The following KALRN variants were observed in gnomAD, a reference collection of about 807,000 sequenced individuals.
The protein encoded by KALRN is kalirin RhoGEF kinase, also known as kalirin.
KALRN carries 70 observed loss-of-function variants against 353.7 expected under a neutral mutation model. That is an observed-to-expected ratio of 0.20 (90% CI 0.16 to 0.24). The LOEUF is 0.24. Among genes scored for constraint, KALRN ranks in the 10% least tolerant of loss-of-function variants. KALRN has a pLI of 1.00. For synonymous variants in KALRN, 1,391 were observed against 1,434.8 expected (o/e 0.97, Z 0.69); for missense variants, 2,791 against 3,756.7 (o/e 0.74, Z 6.72).
intron 34 of KALRN, among the ~76,000 whole-genome samples, chr3:124,627,492 C>G (rs1018222527): frequency 2.0e-5 from 3 of 152,174 alleles, no homozygotes; most frequent in Non-Finnish European, 4.4e-5. Context: ...CCATGATGTA[C>G]CATGGAACAG....
In KALRN at chr3:124,298,658, G is replaced by A. The variant is rs571236253; in HGVS notation, c.970-133G>A. 2.8e-5 allele frequency: 30 copies of A among 1,053,534 alleles called. 1 individual carries two copies. In the South Asian group the frequency reaches 3.0e-4, roughly 11 times the overall value. The allele number at this position is 1,053,534 out of a possible 1,614,324, so 65.3% of individuals were successfully genotyped here. On this transcript the variant is annotated intron_variant, in intron 5 of 59. Transcript: ENST00000682506. ...CTGTGGCCCACCCCATTAAGACCCC[G>A]AGACTCAGAACAATAACTGGTTCTC...
intron 9 of KALRN, among the ~76,000 whole-genome samples, chr3:124,339,609 G>A (rs2081479860): frequency 1.3e-5 from 2 of 152,178 alleles, no homozygotes; most frequent in Non-Finnish European, 2.9e-5. Context: ...TGTGCTGTGT[G>A]AGGAGACAGA....
intron 11 of KALRN, among the ~76,000 whole-genome samples, chr3:124,387,153 A>G (rs61501967): frequency 2.0e-4 from 30 of 152,294 alleles, no homozygotes; most frequent in African/African-American, 7.2e-4. Flanking sequence ...CAGTGTTGCC[A>G]GGATTGGGTG....
chr3:124,571,685 A>AT (rs914270856), intron 34 of KALRN, among the ~76,000 whole-genome samples: 17 of 151,290 alleles, frequency 1.1e-4, no homozygotes, highest in Middle Eastern at 3.4e-3. Context: ...TGTTTATTTT[A>AT]TTTTTTTTCT....
At chr3:124,096,130 G>T (rs934524812) in intron 1 of KALRN, 4 of 151,964 alleles carry the variant, frequency 2.6e-5, no homozygotes, top group African/African-American at 9.7e-5. Flanking sequence ...TATAGACTGG[G>T]AGAAGGGAGA....
intron 20 of KALRN, among the ~76,000 whole-genome samples, chr3:124,446,528 C>T (rs943134426): frequency 3.3e-5 from 5 of 152,208 alleles, no homozygotes; most frequent in Non-Finnish European, 7.3e-5. Context: ...TGATATTAGG[C>T]CTGGCCTAGA....
chr3:124,216,554 T>C (rs931748513), intron 1 of KALRN, among the ~76,000 whole-genome samples: 42 of 152,372 alleles, frequency 2.8e-4, no homozygotes, highest in African/African-American at 9.6e-4. Flanking sequence ...GCAGGGTTTA[T>C]AGGCCTGCTT....
In KALRN at chr3:124,152,966, T is replaced by C. The variant is rs1380322359; in HGVS notation, c.74-75024T>C. 7.5e-5 allele frequency: 16 copies of C among 212,204 alleles called. No homozygotes were observed. In the Admixed American group the frequency reaches 8.3e-4, roughly 11 times the overall value. The allele number at this position is 212,204 out of a possible 1,614,324, so 13.1% of individuals were successfully genotyped here. ...TCCTCCTTGCCTTTTGAAGCACCTT[T>C]GTGCAAACTTCTTTCTCAGGTGCTT... On this transcript the variant is annotated intron_variant, in intron 1 of 59. Coordinates refer to ENST00000682506, the MANE Select transcript of KALRN (RefSeq NM_001388419.1).
chr3:124,570,450 G>A (rs2073385723), intron 34 of KALRN, among the ~76,000 whole-genome samples: 1 of 152,276 alleles, frequency 6.6e-6, no homozygotes, highest in Admixed American at 6.5e-5. Flanking sequence ...ATACATGGGA[G>A]TATGATCAAT....
intron 34 of KALRN, among the ~76,000 whole-genome samples, chr3:124,606,471 C>T (rs536308106): frequency 6.6e-6 from 1 of 152,324 alleles, no homozygotes; most frequent in Non-Finnish European, 1.5e-5. Context: ...TTAATCCTTT[C>T]TTATAGTCCT....
At chr3:124,672,244 G>A (rs151140691) in intron 48 of KALRN, among the ~76,000 whole-genome samples, 17 of 152,318 alleles carry the variant, frequency 1.1e-4, no homozygotes, top group East Asian at 3.9e-4. Flanking sequence ...CACTGCACCC[G>A]GCCAGGAAGT....
chr3:124,430,687 T>C lies in KALRN; in HGVS notation c.2741T>C (p.Met914Thr). ...VLGWIRNGES[M>T]LNASLVNASS... is the part of the protein sequence containing the mutation. ...GGATGGATCCGCAATGGAGAGTCAATGCTCAACGCCAGCCTGGTCAATGCC... is the reference window on the plus strand; with the variant it reads ...GGATGGATCCGCAATGGAGAGTCAACGCTCAACGCCAGCCTGGTCAATGCC... Residue 914 changes from methionine (M) to threonine (T), a missense_variant, in exon 16 of 60, where the codon ATG (methionine) becomes ACG (threonine). This residue lies in a region of KALRN where 452 missense variants were observed against 575.8 expected (regional missense o/e 0.78). Transcript: ENST00000682506. 1.2e-6 allele frequency: 2 copies of C among 1,614,180 alleles called. No individual in the cohort carries two copies. The highest frequency in any genetic ancestry group is 1.7e-6 in the Non-Finnish European group (2 of 1,180,000).
intron 3 of KALRN, among the ~76,000 whole-genome samples, chr3:124,239,560 T>C (rs1379115856): frequency 1.3e-5 from 2 of 152,248 alleles, no homozygotes; most frequent in African/African-American, 4.8e-5. Context: ...TATTCTGTAA[T>C]GTCAATCAAA....
At chr3:124,297,384 A>G (rs16835264) in intron 5 of KALRN, among the ~76,000 whole-genome samples, 10,533 of 152,258 alleles carry the variant, frequency 0.069, 1,047 homozygotes, top group East Asian at 0.47. Context: ...TTCTCCAAGT[A>G]TACTCTTTCA....
At chr3:124,614,925 C>G (rs1270583496) in intron 34 of KALRN, among the ~76,000 whole-genome samples, 3 of 152,166 alleles carry the variant, frequency 2.0e-5, no homozygotes, top group Non-Finnish European at 4.4e-5. Context: ...AGAAAATTAG[C>G]CTCTTCTCAT....
chr3:124,416,002 T>A (rs2092472838), intron 14 of KALRN, among the ~76,000 whole-genome samples: 1 of 152,218 alleles, frequency 6.6e-6, no homozygotes, highest in South Asian at 2.1e-4. Context: ...TGATTGGGAA[T>A]CTTACCTGGA....
Position 124,650,829 on chromosome 3 carries a change from C to T in KALRN, c.5686C>T (p.Arg1896Trp), listed in dbSNP as rs150257895. Residue 1896 changes from arginine (R) to tryptophan (W), a missense_variant, in exon 38 of 60, where the codon CGG becomes TGG. Arg to Trp is a moderately radical substitution (Grantham distance 101). Transcript: ENST00000682506. ...TCAGAGTCTAGAAGGAAGCTCATACCGGGGGAGCTTGAAAGACCCTGCAGG... is the reference window on the plus strand; with the variant it reads ...TCAGAGTCTAGAAGGAAGCTCATACTGGGGGAGCTTGAAAGACCCTGCAGG... ...NKLSLEGSSY[R>W]GSLKDPAGCL... The T allele has an allele frequency of 2.2e-5, 36 of 1,613,432 alleles. No individual in the cohort carries two copies. Among genetic ancestry groups the T allele is most frequent in the East Asian group, 1.8e-4 (8 of 44,894 alleles).
chr3:124,383,674 A>G (rs2149923736), intron 10 of KALRN, among the ~76,000 whole-genome samples: 1 of 152,240 alleles, frequency 6.6e-6, no homozygotes. Context: ...TTACGTCTAC[A>G]ATTATCCTGT....
At chr3:124,241,154 T>C in intron 3 of KALRN, among the ~76,000 whole-genome samples, 1 of 152,192 alleles carries the variant, frequency 6.6e-6, no homozygotes. Context: ...ACTCTCCTAC[T>C]TCCCCCAAAA....
Sources: gnomAD v4.1 joint callset for allele counts (sites outside exome capture counted in the v4.1 genomes callset) on GRCh38, gnomAD v4.1.1 for gene constraint, gnomAD v4.1.1 regional missense constraint, MANE v1.5 for transcripts, NCBI Gene and HGNC (gene_info 2026-07-23, HGNC 2026-07-21) for gene names.